Variants in SMARCD1 observed in about 807,000 individuals in gnomAD.
SMARCD1 encodes SWI/SNF related BAF chromatin remodeling complex subunit D1.
SMARCD1 carries 16 observed loss-of-function variants against 70.8 expected under a neutral mutation model. That is an observed-to-expected ratio of 0.23 (90% confidence interval 0.15 to 0.34). The LOEUF is 0.34. Ranked by LOEUF, SMARCD1 falls within the 10% of genes least tolerant of loss-of-function variation. The probability of loss-of-function intolerance (pLI) is 1.00; values close to 1 mark genes in which losing one functional copy is unlikely to be tolerated. For missense variants in SMARCD1, 409 were observed against 655.5 expected, an observed-to-expected ratio of 0.62 and a Z score of 4.11; for synonymous variants, 249 against 246.0, an observed-to-expected ratio of 1.01 and a Z score of -0.11.
In SMARCD1 at chr12:50,098,721, C is replaced by G. The variant is rs1346166266; in HGVS notation, c.1400C>G (p.Thr467Ser). ...QSQCRDLKTMTDVVGNPEEER... is the reference protein window; with the variant it reads ...QSQCRDLKTMSDVVGNPEEER... ...CATCTCCATTTCCCTCAGACAATGA[C>G]TGATGTGGTGGGTAACCCAGAGGAG... Residue 467 changes from threonine (T) to serine (S), a missense_variant, in exon 12 of 13, where the codon ACT becomes AGT. Physicochemically the swap from Thr to Ser is moderately conservative, Grantham distance 58. Around this residue, in one of 2 missense-constraint regions of SMARCD1, gnomAD observed 269 missense variants for 498.6 expected, o/e 0.54. Transcript: ENST00000394963. The G allele has an allele frequency of 6.2e-7, 1 of 1,613,336 alleles. No homozygotes were observed. Among genetic ancestry groups the G allele is most frequent in the Non-Finnish European group, 8.5e-7 (1 of 1,179,390 alleles).
rs1464122960 is a variant in SMARCD1 at position 50,094,485 on chromosome 12, T to C, written c.1182T>C (p.Val394=). 1.2e-6 allele frequency: 2 copies of C among 1,613,870 alleles called. No homozygotes were observed. Among genetic ancestry groups the C allele is most frequent in the African/African-American group, 2.7e-5 (2 of 74,894 alleles). Residue 394 remains valine (V), a synonymous_variant, in exon 10 of 13, where the codon GTT becomes GTC. Coordinates refer to ENST00000394963, the MANE Select transcript of SMARCD1 (RefSeq NM_003076.5). ...QKKTACYDID[V]EVDDTLKTQM... Reference sequence around the variant, plus strand: ...AGACAGCTTGTTATGACATTGATGTTGAAGTGGATGACACCTTGAAGACCC... The same window carrying C: ...AGACAGCTTGTTATGACATTGATGTCGAAGTGGATGACACCTTGAAGACCC...
chr12:50,094,595 G>T (rs1475835778), intron 10 of SMARCD1, 23 bp downstream of exon 10: 1 of 1,609,444 alleles, frequency 6.2e-7, no homozygotes, highest in African/African-American at 1.3e-5. Flanking sequence ...GCCCTGGATA[G>T]TTGGGTACCA....
rs774203762 is a variant in SMARCD1 at position 50,086,400 on chromosome 12, A to AGGT, written c.365+58_365+60dup. 8.4e-6 allele frequency: 12 copies of AGGT among 1,424,958 alleles called. No homozygotes were observed. The Admixed American group carries it at 2.2e-4, about 26-fold the overall frequency. The allele number at this position is 1,424,958 out of a possible 1,614,324, so 88.3% of individuals were successfully genotyped here. A position where few individuals can be genotyped will look rare whatever the true frequency, so the allele number is the denominator to read the frequency against. On this transcript the variant is annotated intron_variant, in intron 2 of 12. Coordinates refer to ENST00000394963, the MANE Select transcript of SMARCD1 (RefSeq NM_003076.5). ...GGAGGGAGGGAGCCTGGGAGGACAC[A>AGGT]GGTGGTGGGAGTACCTGAACCAAGA...
intron 12 of SMARCD1, 40 bp downstream of exon 12, chr12:50,098,855 A>G: frequency 3.7e-6 from 6 of 1,605,446 alleles, no homozygotes; most frequent in Non-Finnish European, 5.1e-6. Flanking sequence ...GACAAAAGGC[A>G]CGGGGTTTTC....
rs766998742 is a variant in SMARCD1 at position 50,098,899 on chromosome 12, A to G, written c.1495-48A>G. On this transcript the variant is annotated intron_variant, in intron 12 of 12. Coordinates refer to ENST00000394963, the MANE Select transcript of SMARCD1 (RefSeq NM_003076.5). ...TGGGGGTCAGTGGTGTTAGATACCA[A>G]CTTCTGGTTTGTCTCATCTTCCACT... 5 of 1,608,730 alleles carry G rather than the reference A, an allele frequency of 3.1e-6. No homozygotes were observed. The East Asian group carries it at 6.7e-5, about 22-fold the overall frequency.
chr12:50,097,848 G>T (rs1442969753), intron 11 of SMARCD1, among the ~76,000 whole-genome samples: 3 of 139,696 alleles, frequency 2.1e-5, no homozygotes, highest in Admixed American at 7.8e-5. Flanking sequence ...CCGAGATTGC[G>T]CCACTGCACT....
At chr12:50,085,745 G>T (rs1405856948) in intron 1 of SMARCD1, 199 bp downstream of exon 1, 2 of 445,984 alleles carry the variant, frequency 4.5e-6, no homozygotes, top group African/African-American at 4.0e-5. Flanking sequence ...GTTTCCCTGG[G>T]GAGTCGGTAG....
intron 11 of SMARCD1, 37 bp from the exon 12 acceptor site, chr12:50,098,675 CCT>C (rs757457245): frequency 6.6e-7 from 1 of 1,505,874 alleles, no homozygotes; most frequent in Non-Finnish European, 9.2e-7. Context: ...AGCCTTTTCT[CCT>C]CTCTCTTCCT....
chr12:50,096,752 A>G (rs918561506), intron 10 of SMARCD1, 98 bp from the exon 11 acceptor site: 1 of 1,095,782 alleles, frequency 9.1e-7, no homozygotes, highest in Admixed American at 2.1e-5. Context: ...CATGGTGACT[A>G]GGTTGGAAGT....
In SMARCD1 at chr12:50,092,326, C is replaced by T. The variant is rs143469591; in HGVS notation, c.1133+1736C>T. On this transcript the variant is annotated intron_variant, in intron 9 of 12. Transcript: ENST00000394963. The stretch of plus-strand genomic sequence containing the variant: ...GCAACCTCTGCCTCCTGGGTTCAAG[C>T]GATTCTCCTGCCTCAGCCTCCCAAG... Among the ~76,000 whole-genome samples, 257 of 137,560 alleles carry T rather than the reference C, an allele frequency of 1.9e-3. 2 individuals are homozygous for T. The highest frequency in any genetic ancestry group is 6.6e-3 in the African/African-American group (246 of 37,096). The allele number at this position is 137,560 out of a possible 152,430, so 90.2% of individuals were successfully genotyped here.
Position 50,100,564 on chromosome 12 carries a change from G to T in SMARCD1, c.*1564G>T, listed in dbSNP as rs1027268714. 6.6e-6 allele frequency: 1 copy of T among 152,476 alleles called. No individual in the cohort carries two copies. The highest frequency in any genetic ancestry group is 1.5e-5 in the Non-Finnish European group (1 of 68,000). The allele number at this position is 152,476 out of a possible 1,614,324, so 9.4% of individuals were successfully genotyped here. A position where few individuals can be genotyped will look rare whatever the true frequency, so the allele number is the denominator to read the frequency against. On this transcript the variant is annotated 3_prime_UTR_variant, in exon 13 of 13. Coordinates refer to ENST00000394963, the MANE Select transcript of SMARCD1 (RefSeq NM_003076.5). ...GATAACTGTTTTTATTAACTGAATT[G>T]TTTTTTTCATGGACCAAACTTTTTT...
At chr12:50,086,594 C>G (rs781453823) in intron 2 of SMARCD1, 27 bp from the exon 3 acceptor site, 1 of 1,611,206 alleles carries the variant, frequency 6.2e-7, no homozygotes, top group South Asian at 1.1e-5. Context: ...TCTGTCCCAA[C>G]CTGATAATAG....
chr12:50,088,383 C>T, intron 5 of SMARCD1, 138 bp from the exon 6 acceptor site: 1 of 707,056 alleles, frequency 1.4e-6, no homozygotes. Flanking sequence ...CCTACTTTGC[C>T]TATCTCTCTT....
intron 7 of SMARCD1, 48 bp from the exon 8 acceptor site, chr12:50,090,193 A>G: frequency 6.5e-7 from 1 of 1,537,202 alleles, no homozygotes; most frequent in Non-Finnish European, 8.9e-7. Context: ...ATTGCTGCAT[A>G]TAGACGCAGC....
At chr12:50,096,161 T>G (rs1337143835) in intron 10 of SMARCD1, among the ~76,000 whole-genome samples, 1 of 151,838 alleles carries the variant, frequency 6.6e-6, no homozygotes, top group Non-Finnish European at 1.5e-5. Flanking sequence ...GGTGTCAAGG[T>G]GGAATTGAAG....
chr12:50,088,624 A>G lies in SMARCD1; in HGVS notation c.758A>G (p.Asn253Ser). 1.3e-6 allele frequency: 2 copies of G among 1,580,262 alleles called. No homozygotes were observed. Among genetic ancestry groups the G allele is most frequent in the African/African-American group, 1.3e-5 (1 of 74,224 alleles). ...ELDKDLYGPD[N>S]HLVEWHRTAT... The stretch of plus-strand genomic sequence containing the variant: ...GACAAAGACCTGTATGGGCCAGACA[A>G]CCATCTGGTAGAAGTGAGTAGCTCT... Residue 253 changes from asparagine to serine, a missense_variant, in exon 6 of 13, where the codon AAC becomes AGC. Asn to Ser is a conservative substitution (Grantham distance 46). Around this residue, in one of 2 missense-constraint regions of SMARCD1, gnomAD observed 269 missense variants for 498.6 expected, o/e 0.54. Transcript: ENST00000394963.
intron 10 of SMARCD1, 148 bp downstream of exon 10, chr12:50,094,720 A>C (rs891286902): frequency 2.8e-6 from 2 of 720,898 alleles, no homozygotes; most frequent in Non-Finnish European, 4.6e-6. Flanking sequence ...GCCAGACTCA[A>C]ATGAATTCTG....
Position 50,100,351 on chromosome 12 carries a change from AC to A in SMARCD1, c.*1356del, listed in dbSNP as rs376634251. On this transcript the variant is annotated 3_prime_UTR_variant, in exon 13 of 13. Transcript: ENST00000394963. ...CCCCTCCTCAGGCTCCTGCGAGCACACCCCCACCCCCAAATCCCTCCCTGTT... is the reference window on the plus strand; with the variant it reads ...CCCCTCCTCAGGCTCCTGCGAGCACACCCCACCCCCAAATCCCTCCCTGTT... 43 of 111,460 alleles carry A rather than the reference AC, an allele frequency of 3.9e-4. No individual in the cohort carries two copies. Among genetic ancestry groups the A allele is most frequent in the African/African-American group, 1.5e-3 (43 of 28,940 alleles). The allele number at this position is 111,460 out of a possible 1,614,324, so 6.9% of individuals were successfully genotyped here. A position where few individuals can be genotyped will look rare whatever the true frequency, so the allele number is the denominator to read the frequency against.
chr12:50,085,556 G>T lies in SMARCD1; in HGVS notation c.177+10G>T. 1 of 1,231,646 alleles carries T rather than the reference G, an allele frequency of 8.1e-7. No homozygotes were observed. The highest frequency in any genetic ancestry group is 1.0e-6 in the Non-Finnish European group (1 of 986,742). The allele number at this position is 1,231,646 out of a possible 1,614,324, so 76.3% of individuals were successfully genotyped here. ...CGGAGCGGCCTATCCGGTGAGTGGG[G>T]CAGGAGGAGGGGCGCGCGGGCCGGG... On this transcript the variant is annotated intron_variant, in intron 1 of 12. Transcript: ENST00000394963.
Sources: gnomAD v4.1 joint callset for allele counts (sites outside exome capture counted in the v4.1 genomes callset) on GRCh38, gnomAD v4.1.1 for gene constraint, gnomAD v4.1.1 regional missense constraint, MANE v1.5 for transcripts, NCBI Gene and HGNC (gene_info 2026-07-23, HGNC 2026-07-21) for gene names.